The following SPRING1 variants were observed in gnomAD, a reference collection of about 807,000 sequenced individuals.
SPRING1 encodes the protein SREBF pathway regulator in golgi 1.
SPRING1 carries 14 observed loss-of-function variants against 24.7 expected under a neutral mutation model. The observed-to-expected ratio is 0.57, with a 90% confidence interval of 0.37 to 0.88. The LOEUF is 0.88. SPRING1 is among the 40% of genes least tolerant of loss of function. The pLI is 0.00. For synonymous variants in SPRING1, 93 were observed against 106.1 expected (o/e 0.88, Z 0.76); for missense variants, 255 against 268.4 (o/e 0.95, Z 0.35).
rs7310229 is a variant in SPRING1, at chr12:116,711,025, A to C, written c.*6785T>G. ...TTTTGTTACACACACACACACACAC[A>C]CACGCACACACAGAGCCAATGTATG... is the stretch of plus-strand genomic sequence containing the variant. On this transcript the variant is annotated 3_prime_UTR_variant, in exon 5 of 5. Coordinates refer to ENST00000261318, the MANE Select transcript of SPRING1 (RefSeq NM_024738.4). 1 of 150,814 alleles carries C rather than the reference A, an allele frequency of 6.6e-6. No individual in the cohort carries two copies. Among genetic ancestry groups the C allele is most frequent in the Non-Finnish European group, 1.5e-5 (1 of 67,796 alleles). 9.3% of individuals were successfully genotyped at this position (150,814 alleles called of 1,614,324 possible).
At position 116,723,100 on chromosome 12, in the gene SPRING1, T is replaced by C. The variant is rs1166624499; in HGVS notation, c.235A>G (p.Ile79Val). Residue 79 changes from isoleucine (I) to valine (V), a missense_variant, in exon 2 of 5, where the codon ATT (isoleucine) becomes GTT (valine). Transcript: ENST00000261318. Reference protein sequence around the residue: ...SRPSNQCRNSIQGKHLITDEL... With the variant: ...SRPSNQCRNSVQGKHLITDEL... ...TCCGTGATGAGGTGCTTCCCTTGAA[T>C]GGAGTTGCGGCACTGATTGCTCGGA... is the stretch of plus-strand genomic sequence containing the variant. The C allele has an allele frequency of 6.2e-7, 1 of 1,612,578 alleles. No homozygotes were observed. The highest frequency in any genetic ancestry group is 1.3e-5 in the African/African-American group (1 of 74,904).
At chr12:116,732,473 C>T (rs1276790885) in intron 1 of SPRING1, among the ~76,000 whole-genome samples, 3 of 152,144 alleles carry the variant, frequency 2.0e-5, no homozygotes, top group East Asian at 1.9e-4. Context: ...TTTGGGAGGC[C>T]GAGGCGGGCA....
intron 1 of SPRING1, among the ~76,000 whole-genome samples, chr12:116,729,479 T>C (rs1365008234): frequency 6.6e-6 from 1 of 152,222 alleles, no homozygotes; most frequent in Non-Finnish European, 1.5e-5. Flanking sequence ...CCTAGGAATA[T>C]ACCAAGAGAA....
At chr12:116,737,663 G>A in intron 1 of SPRING1, 127 bp downstream of exon 1, 2 of 1,088,724 alleles carry the variant, frequency 1.8e-6, no homozygotes, top group Non-Finnish European at 2.4e-6. Flanking sequence ...GAAAGGAAGG[G>A]AAGGGGTAGG....
rs753827979 is a variant in SPRING1, at chr12:116,720,495, C to T, written c.269-48G>A. The T allele has an allele frequency of 6.2e-7, 1 of 1,602,752 alleles. No homozygotes were observed. The highest frequency in any genetic ancestry group is 8.5e-7 in the Non-Finnish European group (1 of 1,173,892). On this transcript the variant is annotated intron_variant, in intron 2 of 4. Coordinates refer to ENST00000261318, the MANE Select transcript of SPRING1 (RefSeq NM_024738.4). This position sits in a 1 kb window ranked among gnomAD's most constrained non-coding sequence, Gnocchi z 4.0. Reference sequence around the variant, plus strand: ...AGCATAAAACCAGCAGCCTTGCCACCTCCCTACCAGGGATGACCATGAAGC... The same window carrying T: ...AGCATAAAACCAGCAGCCTTGCCACTTCCCTACCAGGGATGACCATGAAGC...
rs568943505 is a variant in SPRING1, at chr12:116,710,946, A to C, written c.*6864T>G. ...GAGGGTAATTTACTCAAGGTCATTA[A>C]GGTCAGTGCTCTTGTCAATAAAATT... On this transcript the variant is annotated 3_prime_UTR_variant, in exon 5 of 5. Transcript: ENST00000261318. The C allele has an allele frequency of 2.6e-5, 4 of 152,198 alleles. No individual in the cohort carries two copies. Among genetic ancestry groups the C allele is most frequent in the Middle Eastern group, 3.4e-3 (1 of 294 alleles). The allele number at this position is 152,198 out of a possible 1,614,324, so 9.4% of individuals were successfully genotyped here. A position where few individuals can be genotyped will look rare whatever the true frequency, so the allele number is the denominator to read the frequency against.
rs984615187 is a variant in SPRING1 at position 116,713,163 on chromosome 12, C to G, written c.*4647G>C. On this transcript the variant is annotated 3_prime_UTR_variant, in exon 5 of 5. Transcript: ENST00000261318. ...GTACTGCCCTCCTCCCCACCTGTGA[C>G]AAAAATGTCTCCAGACATTGCCAAA... The G allele has an allele frequency of 6.6e-6, 1 of 152,238 alleles. No individual in the cohort carries two copies. Among genetic ancestry groups the G allele is most frequent in the African/African-American group, 2.4e-5 (1 of 41,442 alleles). The allele number at this position is 152,238 out of a possible 1,614,324, so 9.4% of individuals were successfully genotyped here.
Position 116,723,082 on chromosome 12 carries a change from T to C in SPRING1, c.253A>G (p.Ile85Val), listed in dbSNP as rs1870511557. 4 of 1,610,862 alleles carry C rather than the reference T, an allele frequency of 2.5e-6. No individual in the cohort carries two copies. The East Asian group carries it at 8.9e-5, about 36-fold the overall frequency. The part of the protein sequence containing the change: ...CRNSIQGKHL[I>V]TDELGYVCER... ...CCAGCCTCACCGAGTTCATCCGTGA[T>C]GAGGTGCTTCCCTTGAATGGAGTTG... The change falls in exon 2 of 5, where the codon ATC becomes GTC. Residue 85 changes from isoleucine to valine, a missense_variant. Coordinates refer to ENST00000261318, the MANE Select transcript of SPRING1 (RefSeq NM_024738.4).
At chr12:116,722,481 C>G (rs1200485571) in intron 2 of SPRING1, among the ~76,000 whole-genome samples, 2 of 152,186 alleles carry the variant, frequency 1.3e-5, no homozygotes, top group Non-Finnish European at 2.9e-5. Context: ...ACTATGTCAT[C>G]TTATGGAAGT....
At chr12:116,724,198 AT>A (rs1425095454) in intron 1 of SPRING1, among the ~76,000 whole-genome samples, 1 of 152,230 alleles carries the variant, frequency 6.6e-6, no homozygotes, top group Non-Finnish European at 1.5e-5. Context: ...AAAGGGACTA[AT>A]CTTGAAAATT....
At position 116,712,164 on chromosome 12, in the gene SPRING1, G is replaced by T. The variant is rs1330661686; in HGVS notation, c.*5646C>A. 1 of 152,222 alleles carries T rather than the reference G, an allele frequency of 6.6e-6. No homozygotes were observed. The highest frequency in any genetic ancestry group is 1.9e-4 in the East Asian group (1 of 5,204). 9.4% of individuals were successfully genotyped at this position (152,222 alleles called of 1,614,324 possible). On this transcript the variant is annotated 3_prime_UTR_variant, in exon 5 of 5. Transcript: ENST00000261318. ...TGGTAAAATATTTGAATAATTAACT[G>T]CTTTGCTCATTGGTTGTAACTGGCA...
chr12:116,723,276 A>G, intron 1 of SPRING1, 53 bp from the exon 2 acceptor site: 3 of 1,595,552 alleles, frequency 1.9e-6, no homozygotes, highest in Non-Finnish European at 1.7e-6. Context: ...CTTTCTTACA[A>G]TTTCACCAGT....
chr12:116,719,961 T>TA, intron 3 of SPRING1, 85 bp from the exon 4 acceptor site: 1 of 1,167,402 alleles, frequency 8.6e-7, no homozygotes, highest in Non-Finnish European at 1.3e-6. Context: ...ACTAAGAGAA[T>TA]GCTGATACAG....
chr12:116,722,700 T>C (rs1275610640), intron 2 of SPRING1, among the ~76,000 whole-genome samples: 2 of 152,192 alleles, frequency 1.3e-5, no homozygotes, highest in Non-Finnish European at 2.9e-5. Flanking sequence ...GAAGGAAAAC[T>C]GAGCTCTTAT....
intron 1 of SPRING1, among the ~76,000 whole-genome samples, chr12:116,735,353 T>C (rs2137048087): frequency 6.6e-6 from 1 of 152,336 alleles, no homozygotes; most frequent in East Asian, 1.9e-4. Flanking sequence ...TTTCAGTTTC[T>C]ACAAGCGTTA....
chr12:116,737,753 AG>A lies in SPRING1; in HGVS notation c.111+36del, dbSNP rs1566064124. The A allele has an allele frequency of 2.1e-6, 3 of 1,449,584 alleles. No individual in the cohort carries two copies. The South Asian group carries it at 3.6e-5, about 17-fold the overall frequency. The allele number at this position is 1,449,584 out of a possible 1,614,324, so 89.8% of individuals were successfully genotyped here. A position where few individuals can be genotyped will look rare whatever the true frequency, so the allele number is the denominator to read the frequency against. On this transcript the variant is annotated intron_variant, in intron 1 of 4. Coordinates refer to ENST00000261318, the MANE Select transcript of SPRING1 (RefSeq NM_024738.4). ...TAAAGTAAGGGGGAGGAAGGAAGGA[AG>A]AAGGGAAGGGGAGGAGGGGAAGGGC...
chr12:116,730,934 C>T (rs1276290103), intron 1 of SPRING1, among the ~76,000 whole-genome samples: 2 of 152,132 alleles, frequency 1.3e-5, no homozygotes, highest in Non-Finnish European at 2.9e-5. Flanking sequence ...TACCAAATAC[C>T]CAAATCTGAA....
At chr12:116,722,798 G>A (rs988564715) in intron 2 of SPRING1, among the ~76,000 whole-genome samples, 6 of 152,200 alleles carry the variant, frequency 3.9e-5, no homozygotes, top group African/African-American at 7.2e-5. Flanking sequence ...GAAGGGGCCT[G>A]GGGACTGATG....
intron 1 of SPRING1, among the ~76,000 whole-genome samples, chr12:116,735,172 T>C (rs1871162676): frequency 6.6e-6 from 1 of 152,134 alleles, no homozygotes. Context: ...TGAACAGTAA[T>C]GCCACTGAGC....
Sources: allele counts gnomAD v4.1 joint callset (sites outside exome capture counted in the v4.1 genomes callset), GRCh38; gene constraint gnomAD v4.1.1; non-coding constraint Gnocchi (gnomAD v3.1); transcripts MANE v1.5; gene names NCBI Gene and HGNC (gene_info 2026-07-23, HGNC 2026-07-21).